HPSE2: variants seen among roughly 807,000 people sequenced by gnomAD.
HPSE2 encodes the protein inactive heparanase-2.
Under a neutral mutation model 60.5 loss-of-function variants are expected in HPSE2, and 38 were observed. The observed-to-expected ratio is 0.63, with a 90% CI of 0.48 to 0.82. HPSE2 has a LOEUF of 0.82. HPSE2 is among the 40% of genes least tolerant of loss of function. HPSE2 has a pLI of 0.00. For missense variants in HPSE2, 713 were observed against 740.4 expected, an observed-to-expected ratio of 0.96 and a Z score of 0.43; for synonymous variants, 295 against 293.2, an observed-to-expected ratio of 1.01 and a Z score of -0.06.
chr10:98,726,151 T>C (rs1039124322), intron 4 of HPSE2, among the ~76,000 whole-genome samples: 1 of 152,114 alleles, frequency 6.6e-6, no homozygotes, highest in African/African-American at 2.4e-5. Flanking sequence ...ACCCAAAGCA[T>C]TATAAATCAT....
At chr10:98,992,538 T>C (rs1298825374) in intron 3 of HPSE2, among the ~76,000 whole-genome samples, 2 of 152,182 alleles carry the variant, frequency 1.3e-5, no homozygotes, top group Non-Finnish European at 2.9e-5. Flanking sequence ...CAGTAGGATT[T>C]AATTCAATTC....
chr10:98,481,160 C>T (rs1941219450), intron 11 of HPSE2, among the ~76,000 whole-genome samples: 1 of 152,180 alleles, frequency 6.6e-6, no homozygotes, highest in African/African-American at 2.4e-5. Flanking sequence ...CTAATCACTG[C>T]TGCAGAGTCA....
intron 3 of HPSE2, among the ~76,000 whole-genome samples, chr10:99,083,601 A>G (rs1029535028): frequency 6.6e-6 from 1 of 152,196 alleles, no homozygotes; most frequent in Middle Eastern, 3.2e-3. Context: ...TTTATATGAC[A>G]TGGTACCCCA....
chr10:99,097,184 C>A (rs1173572974), intron 3 of HPSE2, among the ~76,000 whole-genome samples: 1 of 152,190 alleles, frequency 6.6e-6, no homozygotes, highest in Non-Finnish European at 1.5e-5. Context: ...CAGAAAAAAG[C>A]AACACCACTA....
intron 2 of HPSE2, among the ~76,000 whole-genome samples, chr10:99,200,094 G>T (rs977707068): frequency 3.3e-5 from 5 of 152,044 alleles, no homozygotes; most frequent in Admixed American, 6.6e-5. Context: ...TTAGTGTAAA[G>T]AAATGCAACT....
intron 9 of HPSE2, among the ~76,000 whole-genome samples, chr10:98,583,626 T>C (rs1438246038): frequency 6.6e-6 from 1 of 152,202 alleles, no homozygotes; most frequent in Non-Finnish European, 1.5e-5. Flanking sequence ...GGCTTTCCCT[T>C]TGTTCTAGGA....
At chr10:98,553,806 C>T (rs650527) in intron 9 of HPSE2, among the ~76,000 whole-genome samples, 60,037 of 152,050 alleles carry the variant, frequency 0.39, 12,392 homozygotes, top group East Asian at 0.53. Flanking sequence ...TCTCTTTTCT[C>T]TCTATGGCTC....
intron 11 of HPSE2, among the ~76,000 whole-genome samples, chr10:98,466,063 C>T (rs1210377328): frequency 1.3e-5 from 2 of 152,200 alleles, no homozygotes; most frequent in Admixed American, 6.5e-5. Flanking sequence ...AGTCTCTGGT[C>T]TTCATGTCTT....
the HPSE2 span, among the ~76,000 whole-genome samples, chr10:99,274,288 A>C: frequency 6.6e-6 from 1 of 152,234 alleles, no homozygotes; most frequent in South Asian, 2.1e-4. Context: ...CGGAGGTTGC[A>C]GTGAGCAAAG....
intron 2 of HPSE2, among the ~76,000 whole-genome samples, chr10:99,194,349 T>C (rs956644619): frequency 6.6e-6 from 1 of 151,404 alleles, no homozygotes; most frequent in Non-Finnish European, 1.5e-5. Context: ...AACAATATAA[T>C]GATGCATCTT....
intron 3 of HPSE2, among the ~76,000 whole-genome samples, chr10:98,840,847 C>T (rs1487731823): frequency 2.6e-5 from 4 of 152,190 alleles, no homozygotes; most frequent in Admixed American, 1.3e-4. Context: ...AAAGGACTGT[C>T]ACTTTTAGAG....
intron 2 of HPSE2, among the ~76,000 whole-genome samples, chr10:99,226,222 T>C (rs892485425): frequency 1.3e-5 from 2 of 152,006 alleles, no homozygotes; most frequent in African/African-American, 4.8e-5. Context: ...AAGGTCTACC[T>C]ACCTATCTAA....
At position 98,459,600 on chromosome 10, in the gene HPSE2, T is replaced by G; in HGVS notation, c.1753A>C (p.Asn585His). Reference protein sequence around the residue: ...TMGFYVVKNVNALACRYR With the variant: ...TMGFYVVKNVHALACRYR ...TATCGGTAGCGGCAGGCCAAAGCAT[T>G]GACATTCTTGACCACATAAAAGCCC... The change falls in exon 12 of 12, where the codon AAT becomes CAT. Residue 585 changes from asparagine to histidine, a missense_variant. By Grantham distance (68) the Asn-to-His change is moderately conservative (BLOSUM62 1). Transcript: ENST00000370552. The G allele has an allele frequency of 1.2e-6, 2 of 1,614,102 alleles. No homozygotes were observed. Among genetic ancestry groups the G allele is most frequent in the Non-Finnish European group, 1.7e-6 (2 of 1,180,014 alleles).
At chr10:99,229,382 T>A (rs1849576185) in intron 2 of HPSE2, among the ~76,000 whole-genome samples, 1 of 152,286 alleles carries the variant, frequency 6.6e-6, no homozygotes, top group Non-Finnish European at 1.5e-5. Flanking sequence ...CCTTCTGCCT[T>A]CTGTAAAAGC....
At chr10:98,802,368 G>A (rs1201709962) in intron 3 of HPSE2, among the ~76,000 whole-genome samples, 1 of 149,666 alleles carries the variant, frequency 6.7e-6, no homozygotes, top group Non-Finnish European at 1.5e-5. Context: ...TGTGCACAAT[G>A]TGCAGGTTAG....
At chr10:99,236,921 C>A (rs1287464841), upstream of HPSE2, among the ~76,000 whole-genome samples, 3 of 152,190 alleles carry the variant, frequency 2.0e-5, no homozygotes, top group Non-Finnish European at 4.4e-5. Context: ...CTATACTTAG[C>A]CCTCCTGCAG....
intron 3 of HPSE2, among the ~76,000 whole-genome samples, chr10:98,803,635 T>G (rs1188325685): frequency 6.6e-6 from 1 of 151,636 alleles, no homozygotes; most frequent in Non-Finnish European, 1.5e-5. Flanking sequence ...TAGTTGTAGA[T>G]ATGCGGCATT....
intron 9 of HPSE2, among the ~76,000 whole-genome samples, chr10:98,545,531 T>C (rs1305560729): frequency 1.3e-5 from 2 of 152,132 alleles, no homozygotes; most frequent in African/African-American, 4.8e-5. Context: ...ATCCAGCATA[T>C]AAACAGAACC....
At chr10:99,061,562 A>G (rs1350415959) in intron 3 of HPSE2, among the ~76,000 whole-genome samples, 2 of 152,228 alleles carry the variant, frequency 1.3e-5, no homozygotes, top group African/African-American at 4.8e-5. Context: ...TTTTACCTGT[A>G]AAGTATGTAG....
Sources: allele counts gnomAD v4.1 joint callset (sites outside exome capture counted in the v4.1 genomes callset), GRCh38; gene constraint gnomAD v4.1.1; transcripts MANE v1.5; gene names NCBI Gene and HGNC (gene_info 2026-07-23, HGNC 2026-07-21).